The following ALG9 variants were observed in gnomAD, a reference collection of about 807,000 sequenced individuals.
The protein encoded by ALG9 is ALG9 alpha-1,2-mannosyltransferase, also known as alpha-1,2-mannosyltransferase ALG9.
In ALG9, 55 loss-of-function variants were observed where a neutral mutation model predicts 81.8. That is an observed-to-expected ratio of 0.67 (90% CI 0.54 to 0.84). ALG9 has a LOEUF of 0.84. Among genes scored for constraint, ALG9 ranks in the 40% least tolerant of loss-of-function variants. The probability of loss-of-function intolerance (pLI) is 0.00; values close to 1 mark genes in which losing one functional copy is unlikely to be tolerated. For synonymous variants in ALG9, 278 were observed against 274.3 expected, an observed-to-expected ratio of 1.01 and a Z score of -0.13; for missense variants, 629 against 745.0, an observed-to-expected ratio of 0.84 and a Z score of 1.81.
chr11:111,850,032 T>C (rs1555135868), intron 8 of ALG9, among the ~76,000 whole-genome samples: 3 of 152,244 alleles, frequency 2.0e-5, no homozygotes, highest in Non-Finnish European at 4.4e-5. Flanking sequence ...CTGACAATTT[T>C]ACTGCCTCAA....
chr11:111,836,501 C>G (rs1955298409), intron 12 of ALG9, among the ~76,000 whole-genome samples: 1 of 152,176 alleles, frequency 6.6e-6, no homozygotes, highest in Non-Finnish European at 1.5e-5. Flanking sequence ...TGTCTCTTGA[C>G]CCATTTCACC....
At chr11:111,820,847 T>C (rs890929496) in intron 13 of ALG9, among the ~76,000 whole-genome samples, 1 of 98,248 alleles carries the variant, frequency 1.0e-5, no homozygotes, top group African/African-American at 4.1e-5. Context: ...GAAGCTAAGG[T>C]AGGAGGATCA....
At chr11:111,826,259 G>A (rs1953259925) in intron 13 of ALG9, among the ~76,000 whole-genome samples, 1 of 151,204 alleles carries the variant, frequency 6.6e-6, no homozygotes, top group Non-Finnish European at 1.5e-5. Context: ...GGTGGTGCAG[G>A]TCCATAGTCC....
At chr11:111,774,042 G>A in the ALG9 span, among the ~76,000 whole-genome samples, 55 of 130,894 alleles carry the variant, frequency 4.2e-4, no homozygotes, top group East Asian at 0.012. Flanking sequence ...TTACAGGCAT[G>A]AGCCACCATA....
the ALG9 span, among the ~76,000 whole-genome samples, chr11:111,769,995 C>T: frequency 1.1e-4 from 16 of 152,222 alleles, no homozygotes; most frequent in Non-Finnish European, 1.9e-4. Context: ...CCCCTAACAC[C>T]CCATAAAATG....
At chr11:111,861,973 A>G (rs1246751734) in intron 4 of ALG9, among the ~76,000 whole-genome samples, 1 of 152,160 alleles carries the variant, frequency 6.6e-6, no homozygotes, top group Non-Finnish European at 1.5e-5. Flanking sequence ...CAGGTATTCT[A>G]TTAGTTCTCT....
chr11:111,838,431 A>G (rs2136845334), intron 10 of ALG9, 32 bp from the exon 11 acceptor site: 1 of 1,565,770 alleles, frequency 6.4e-7, no homozygotes, highest in Non-Finnish European at 8.8e-7. Flanking sequence ...TGTAGAATAT[A>G]CATAATTACA....
intron 14 of ALG9, among the ~76,000 whole-genome samples, chr11:111,802,062 C>T (rs1486497749): frequency 6.6e-6 from 1 of 152,174 alleles, no homozygotes; most frequent in Non-Finnish European, 1.5e-5. Flanking sequence ...CTTGAACACC[C>T]ATCCATGATC....
At position 111,802,059 on chromosome 11, in the gene ALG9, AC is replaced by A. The variant is rs139982446; in HGVS notation, c.1733+7583del. On this transcript the variant is annotated intron_variant, in intron 14 of 14. Transcript: ENST00000616540. ...CTGCAGTTCTGGCAATGTCTTGAACACCCATCCATGATCCTACCACCTTTCA... is the reference window on the plus strand; with the variant it reads ...CTGCAGTTCTGGCAATGTCTTGAACACCATCCATGATCCTACCACCTTTCA... Among the ~76,000 whole-genome samples the A allele has an allele frequency of 6.5e-3, 993 of 152,226 alleles. 6 individuals are homozygous for A. Among genetic ancestry groups the A allele is most frequent in the Middle Eastern group, 0.051 (15 of 294 alleles).
At chr11:111,825,613 A>G (rs1555107546) in intron 13 of ALG9, among the ~76,000 whole-genome samples, 1 of 152,222 alleles carries the variant, frequency 6.6e-6, no homozygotes, top group Non-Finnish European at 1.5e-5. Context: ...GTGAGGCTGA[A>G]GTACGAAGAG....
chr11:111,793,208 C>G (rs1947696071), intron 14 of ALG9, among the ~76,000 whole-genome samples: 1 of 152,052 alleles, frequency 6.6e-6, no homozygotes, highest in Non-Finnish European at 1.5e-5. Flanking sequence ...TCTCAAACTC[C>G]CGGGCTCAAG....
rs1367289554 is a variant in ALG9 at position 111,837,624 on chromosome 11, G to A, written c.1325-9C>T. ...AAGGGGCCCGTGATATCCTGGAAGG[G>A]AGAACAGTTAGTGAGAGCCAGAGAT... On this transcript the variant is annotated splice_polypyrimidine_tract_variant and intron_variant, in intron 11 of 14. Transcript: ENST00000616540. The A allele has an allele frequency of 6.2e-7, 1 of 1,613,822 alleles. No individual in the cohort carries two copies. Among genetic ancestry groups the A allele is most frequent in the Non-Finnish European group, 8.5e-7 (1 of 1,179,822 alleles).
At chr11:111,837,649 T>G (rs782213604) in intron 11 of ALG9, 34 bp from the exon 12 acceptor site, 28 of 1,608,076 alleles carry the variant, frequency 1.7e-5, no homozygotes, top group Non-Finnish European at 2.2e-5. Context: ...GAGCCAGAGA[T>G]GAGTAAGATG....
At chr11:111,809,577 T>C (rs1446881876) in intron 14 of ALG9, 66 bp downstream of exon 14, 4 of 1,597,082 alleles carry the variant, frequency 2.5e-6, no homozygotes, top group Non-Finnish European at 3.4e-6. Context: ...GGAAGTTATA[T>C]AATCCTAGAA....
intron 4 of ALG9, among the ~76,000 whole-genome samples, chr11:111,861,164 T>C (rs1959947197): frequency 6.6e-6 from 1 of 152,202 alleles, no homozygotes; most frequent in Non-Finnish European, 1.5e-5. Context: ...TGTGAATAAG[T>C]GGTTAAATCA....
chr11:111,785,596 T>C lies in ALG9; in HGVS notation c.*801A>G, dbSNP rs1436548410. On this transcript the variant is annotated 3_prime_UTR_variant, in exon 15 of 15. Transcript: ENST00000616540. ...AAATGTATCAATTGATAGAATTTTC[T>C]CCAAATATGTCCTATACAGTTGTAG... is the stretch of plus-strand genomic sequence containing the variant. 6.5e-6 allele frequency: 1 copy of C among 154,630 alleles called. No individual in the cohort carries two copies. The highest frequency in any genetic ancestry group is 1.4e-5 in the Non-Finnish European group (1 of 69,656). 9.6% of individuals were successfully genotyped at this position (154,630 alleles called of 1,614,324 possible). A position where few individuals can be genotyped will look rare whatever the true frequency, so the allele number is the denominator to read the frequency against.
chr11:111,794,679 T>C (rs924042019), intron 14 of ALG9, among the ~76,000 whole-genome samples: 14 of 152,066 alleles, frequency 9.2e-5, no homozygotes, highest in African/African-American at 3.1e-4. Context: ...TATCCATCCA[T>C]CCATCCACCC....
rs781902066 is a variant in ALG9 at position 111,838,243 on chromosome 11, A to C, written c.1324+6T>G. ...GTGTAGGTTAAGATATTCTTAGAAG[A>C]TCTACCTCTGAACAGTGCCACAGAG... On this transcript the variant is annotated splice_donor_region_variant and intron_variant, in intron 11 of 14. Transcript: ENST00000616540. The C allele has an allele frequency of 1.9e-6, 3 of 1,614,092 alleles. No individual in the cohort carries two copies. Among genetic ancestry groups the C allele is most frequent in the Admixed American group, 3.3e-5 (2 of 60,018 alleles).
intron 2 of ALG9, among the ~76,000 whole-genome samples, chr11:111,869,754 G>A (rs1963666349): frequency 6.6e-6 from 1 of 152,186 alleles, no homozygotes; most frequent in African/African-American, 2.4e-5. Context: ...TTTGGAAGGC[G>A]AGGTGAGAGG....
Sources: gnomAD v4.1 joint callset for allele counts (sites outside exome capture counted in the v4.1 genomes callset) on GRCh38, gnomAD v4.1.1 for gene constraint, MANE v1.5 for transcripts, NCBI Gene and HGNC (gene_info 2026-07-23, HGNC 2026-07-21) for gene names.